The following SLF2 variants were observed in gnomAD, a reference collection of about 807,000 sequenced individuals.
SLF2 encodes the protein SMC5/6 complex localization factor 2, also known as SMC5-SMC6 complex localization factor protein 2.
In SLF2, 68 loss-of-function variants were observed where a neutral mutation model predicts 124.3. The observed-to-expected ratio is 0.55, with a 90% confidence interval of 0.45 to 0.67. The LOEUF is 0.67. SLF2 is among the 30% of genes least tolerant of loss of function. The pLI is 0.00. For missense variants in SLF2, 1,246 were observed against 1,373.7 expected (o/e 0.91, Z 1.47); for synonymous variants, 480 against 478.8 (o/e 1.00, Z -0.03).
intron 17 of SLF2, among the ~76,000 whole-genome samples, chr10:100,951,954 G>A (rs887925671): frequency 2.0e-5 from 3 of 151,968 alleles, no homozygotes; most frequent in East Asian, 3.9e-4. Flanking sequence ...TAAAACTTAG[G>A]TCGGACATGC....
At chr10:100,927,388 T>G (rs559068978) in intron 6 of SLF2, among the ~76,000 whole-genome samples, 1 of 152,358 alleles carries the variant, frequency 6.6e-6, no homozygotes, top group South Asian at 2.1e-4. Context: ...GGCAGTGTCT[T>G]CAGAGTTCAT....
At chr10:100,913,703 G>T (rs1257224297) in intron 1 of SLF2, 38 of 995,874 alleles carry the variant, frequency 3.8e-5, no homozygotes, top group Non-Finnish European at 4.4e-5. Context: ...GTAGTCCAGC[G>T]TGCACGCTAG....
chr10:100,962,056 G>A lies in SLF2; in HGVS notation c.*144G>A. The stretch of plus-strand genomic sequence containing the variant: ...CCACTTGAATATCTAGTATGAAGCT[G>A]GTAATGAAGAAATTGCCATTTCTGA... On this transcript the variant is annotated 3_prime_UTR_variant, in exon 20 of 20. Transcript: ENST00000238961. 7.3e-6 allele frequency: 5 copies of A among 683,172 alleles called. No homozygotes were observed. Among genetic ancestry groups the A allele is most frequent in the South Asian group, 5.3e-5 (2 of 37,714 alleles). The allele number at this position is 683,172 out of a possible 1,614,324, so 42.3% of individuals were successfully genotyped here.
chr10:100,944,135 A>C lies in SLF2; in HGVS notation c.2757+7A>C. On this transcript the variant is annotated splice_region_variant and intron_variant, in intron 12 of 19. Transcript: ENST00000238961. ...CATTTTAAATGTGGTTAAGGTAGGA[A>C]AGAACTTTTATGTGTCTTCTGCTCA... 6.4e-7 allele frequency: 1 copy of C among 1,568,728 alleles called. No individual in the cohort carries two copies. Among genetic ancestry groups the C allele is most frequent in the South Asian group, 1.1e-5 (1 of 89,044 alleles).
Position 100,917,083 on chromosome 10 carries a change from G to T in SLF2, c.698G>T (p.Gly233Val), listed in dbSNP as rs1189811647. The change falls in exon 3 of 20, where the codon GGA (glycine) becomes GTA (valine). Residue 233 changes from glycine (G) to valine (V), a missense_variant. Gly to Val is a moderately radical substitution (Grantham distance 109, BLOSUM62 -3). Around this residue, in one of 3 missense-constraint regions of SLF2, gnomAD observed 698 missense variants for 708.9 expected, o/e 0.98. Coordinates refer to ENST00000238961, the MANE Select transcript of SLF2 (RefSeq NM_018121.4). ...SRHHPEESPL[G>V]AKFQLSLASY... ...CACCACCCGGAAGAAAGCCCACTGG[G>T]AGCTAAATTCCAGTTGTCACTAGCT... 6.2e-7 allele frequency: 1 copy of T among 1,614,078 alleles called. No homozygotes were observed. Among genetic ancestry groups the T allele is most frequent in the Non-Finnish European group, 8.5e-7 (1 of 1,180,044 alleles).
Position 100,963,392 on chromosome 10 carries a change from A to C in SLF2, c.*1480A>C, listed in dbSNP as rs1243100788. 1 of 152,560 alleles carries C rather than the reference A, an allele frequency of 6.6e-6. No homozygotes were observed. Among genetic ancestry groups the C allele is most frequent in the African/African-American group, 2.4e-5 (1 of 41,438 alleles). The allele number at this position is 152,560 out of a possible 1,614,324, so 9.5% of individuals were successfully genotyped here. A position where few individuals can be genotyped will look rare whatever the true frequency, so the allele number is the denominator to read the frequency against. ...GTAAATCCAGTTTCCAAGAACCTAA[A>C]CTGATTGAGGCTCCAAGAGTCAGAC... is the stretch of plus-strand genomic sequence containing the variant. On this transcript the variant is annotated 3_prime_UTR_variant, in exon 20 of 20. Transcript: ENST00000238961.
chr10:100,935,555 C>T (rs1223570253), intron 9 of SLF2, among the ~76,000 whole-genome samples: 1 of 151,456 alleles, frequency 6.6e-6, no homozygotes, highest in African/African-American at 2.4e-5. Flanking sequence ...TGGCGCAGGC[C>T]TATAGGCCCA....
intron 1 of SLF2, 41 bp from the exon 2 acceptor site, chr10:100,915,958 A>G (rs1316167468): frequency 1.4e-6 from 2 of 1,452,200 alleles, no homozygotes; most frequent in Non-Finnish European, 1.9e-6. Context: ...GAAGGTTTTA[A>G]TATTTGCTTA....
rs1427501730 is a variant in SLF2 at position 100,963,693 on chromosome 10, G to T, written c.*1781G>T. 3 of 152,276 alleles carry T rather than the reference G, an allele frequency of 2.0e-5. No homozygotes were observed. The highest frequency in any genetic ancestry group is 6.6e-5 in the Admixed American group (1 of 15,222). The allele number at this position is 152,276 out of a possible 1,614,324, so 9.4% of individuals were successfully genotyped here. On this transcript the variant is annotated 3_prime_UTR_variant, in exon 20 of 20. Transcript: ENST00000238961. ...TGTGTAAAGTGTACAAAATCTCAAAGTATAAAATACTGCTTATATTGCTTG... is the reference window on the plus strand; with the variant it reads ...TGTGTAAAGTGTACAAAATCTCAAATTATAAAATACTGCTTATATTGCTTG...
At chr10:100,956,614 A>T in intron 18 of SLF2, 77 bp downstream of exon 18, 4 of 1,072,040 alleles carry the variant, frequency 3.7e-6, no homozygotes, top group Non-Finnish European at 5.5e-6. Flanking sequence ...AGAAGCATAC[A>T]GGCCTATATT....
Position 100,944,109 on chromosome 10 carries a change from A to G in SLF2, c.2738A>G (p.Asn913Ser), listed in dbSNP as rs748984140. 4.3e-6 allele frequency: 7 copies of G among 1,610,158 alleles called. No homozygotes were observed. In the African/African-American group the frequency reaches 5.3e-5, roughly 12 times the overall value. ...ATTTTTTCAACACTTCCTGAAACCA[A>G]CATTTTAAATGTGGTTAAGGTAGGA... The part of the protein sequence containing the change: ...KPIFSTLPET[N>S]ILNVVKFLGL... The change falls in exon 12 of 20, where the codon AAC becomes AGC. Residue 913 changes from asparagine (N) to serine (S), a missense_variant. Transcript: ENST00000238961.
At chr10:100,926,420 A>G (rs1034285909) in intron 6 of SLF2, 4 of 723,224 alleles carry the variant, frequency 5.5e-6, no homozygotes, top group Non-Finnish European at 8.4e-6. Context: ...CCTGGGCAAC[A>G]TGGTGAAACC....
Position 100,947,797 on chromosome 10 carries a change from A to G in SLF2, c.3070A>G (p.Lys1024Glu). The G allele has an allele frequency of 1.2e-6, 2 of 1,612,252 alleles. No homozygotes were observed. The highest frequency in any genetic ancestry group is 1.7e-6 in the Non-Finnish European group (2 of 1,179,226). Residue 1024 changes from lysine (K) to glutamate (E), a missense_variant, in exon 15 of 20, where the codon AAG (lysine) becomes GAG (glutamate). Lys to Glu is a moderately conservative substitution (Grantham distance 56, BLOSUM62 1). Transcript: ENST00000238961. ...RQCLSLVIIS[K>E]LLDEKHEDVP... ...GTGCCTCAGTCTAGTGATTATTTCA[A>G]AGCTTTTGGATGAGAAACACGAAGA...
At chr10:100,921,372 ATGCCC>A (rs1461707520) in intron 4 of SLF2, among the ~76,000 whole-genome samples, 3 of 152,198 alleles carry the variant, frequency 2.0e-5, no homozygotes, top group Non-Finnish European at 2.9e-5. Context: ...GTGAGCCACC[ATGCCC>A]AGCCTCCTTT....
At chr10:100,944,253 T>TG in intron 12 of SLF2, 125 bp downstream of exon 12, 1 of 551,680 alleles carries the variant, frequency 1.8e-6, no homozygotes, top group East Asian at 3.5e-5. Context: ...CCCAGCACTT[T>TG]GGGAGGCCAG....
At chr10:100,929,733 T>C in intron 7 of SLF2, 97 bp from the exon 8 acceptor site, 1 of 953,224 alleles carries the variant, frequency 1.0e-6, no homozygotes, top group Non-Finnish European at 1.5e-6. Context: ...GGGATTAACA[T>C]TGGCTTAAAA....
chr10:100,962,078 C>A lies in SLF2; in HGVS notation c.*166C>A. On this transcript the variant is annotated 3_prime_UTR_variant, in exon 20 of 20. Coordinates refer to ENST00000238961, the MANE Select transcript of SLF2 (RefSeq NM_018121.4). The stretch of plus-strand genomic sequence containing the variant: ...GCTGGTAATGAAGAAATTGCCATTT[C>A]TGAAGCAGATATGAAATATGATCTG... 3.5e-6 allele frequency: 2 copies of A among 568,516 alleles called. No individual in the cohort carries two copies. Among genetic ancestry groups the A allele is most frequent in the Non-Finnish European group, 6.0e-6 (2 of 335,290 alleles). 35.2% of individuals were successfully genotyped at this position (568,516 alleles called of 1,614,324 possible).
At chr10:100,928,065 ACACG>A (rs1227624688) in intron 6 of SLF2, among the ~76,000 whole-genome samples, 1,393 of 73,070 alleles carry the variant, frequency 0.019, 66 homozygotes, top group Non-Finnish European at 0.027. Context: ...ACACACACAC[ACACG>A]AGAGAGAGAC....
Position 100,945,432 on chromosome 10 carries a change from A to G in SLF2, c.2860A>G (p.Lys954Glu). The change falls in exon 13 of 20, where the codon AAA (lysine) becomes GAA (glutamate). Residue 954 changes from lysine (K) to glutamate (E), a missense_variant. By Grantham distance (56) the Lys-to-Glu change is moderately conservative. This residue lies in a region of SLF2 where 535 missense variants were observed against 632.8 expected (regional missense o/e 0.85). Coordinates refer to ENST00000238961, the MANE Select transcript of SLF2 (RefSeq NM_018121.4). ...TAAAATGAGTTTGGAAAAACAGCTGAAACAGATTCCTTTAGTAGACTTTCA... is the reference window on the plus strand; with the variant it reads ...TAAAATGAGTTTGGAAAAACAGCTGGAACAGATTCCTTTAGTAGACTTTCA... ...LFKMSLEKQL[K>E]QIPLVDFQSL... 6.3e-7 allele frequency: 1 copy of G among 1,598,118 alleles called. No individual in the cohort carries two copies. Among genetic ancestry groups the G allele is most frequent in the South Asian group, 1.2e-5 (1 of 86,612 alleles).
Sources: gnomAD v4.1 joint callset for allele counts (sites outside exome capture counted in the v4.1 genomes callset) on GRCh38, gnomAD v4.1.1 for gene constraint, gnomAD v4.1.1 regional missense constraint, MANE v1.5 for transcripts, NCBI Gene and HGNC (gene_info 2026-07-23, HGNC 2026-07-21) for gene names.